The following ROBO2 variants were observed in gnomAD, a reference collection of about 807,000 sequenced individuals.
The protein encoded by ROBO2 is roundabout guidance receptor 2, also known as roundabout homolog 2.
In ROBO2, 53 loss-of-function variants were observed where a neutral mutation model predicts 160.8. The observed-to-expected ratio is 0.33, with a 90% CI of 0.26 to 0.41. The LOEUF (loss-of-function observed/expected upper bound fraction) is 0.41. Ranked by LOEUF, ROBO2 falls within the 10% of genes least tolerant of loss-of-function variation. The probability of loss-of-function intolerance (pLI) is 1.00; values close to 1 mark genes in which losing one functional copy is unlikely to be tolerated. For missense variants in ROBO2, 1,577 were observed against 1,722.4 expected, an observed-to-expected ratio of 0.92 and a Z score of 1.49; for synonymous variants, 664 against 611.7, an observed-to-expected ratio of 1.09 and a Z score of -1.26.
chr3:77,169,159 C>T (rs991454939), intron 2 of ROBO2, among the ~76,000 whole-genome samples: 2 of 152,084 alleles, frequency 1.3e-5, no homozygotes, highest in African/African-American at 4.8e-5. Context: ...AATATGTGTC[C>T]GTGTTCTTAT....
chr3:76,094,112 A>T (rs1212379476), intron 2 of ROBO2, among the ~76,000 whole-genome samples: 3 of 152,052 alleles, frequency 2.0e-5, no homozygotes, highest in Non-Finnish European at 4.4e-5. Flanking sequence ...AGTGTATAAC[A>T]ATCTCGAGTG....
At chr3:76,810,397 G>A (rs1267498214) in intron 2 of ROBO2, among the ~76,000 whole-genome samples, 1 of 151,408 alleles carries the variant, frequency 6.6e-6, no homozygotes, top group Non-Finnish European at 1.5e-5. Context: ...TTGAATTCTG[G>A]GTGAAAGAAG....
chr3:77,287,829 G>A (rs1253514535), intron 2 of ROBO2, among the ~76,000 whole-genome samples: 3 of 152,068 alleles, frequency 2.0e-5, no homozygotes, highest in Admixed American at 1.3e-4. Context: ...TAATGTAATT[G>A]ACAGTCATTG....
At chr3:76,137,649 A>G (rs67675717) in intron 2 of ROBO2, among the ~76,000 whole-genome samples, 43,352 of 151,422 alleles carry the variant, frequency 0.29, 6,644 homozygotes, top group Non-Finnish European at 0.34. Flanking sequence ...GGGTTTTAAG[A>G]TCAAAGTGTT....
chr3:76,779,147 T>C (rs574195988), intron 2 of ROBO2, among the ~76,000 whole-genome samples: 1 of 151,206 alleles, frequency 6.6e-6, no homozygotes, highest in Non-Finnish European at 1.5e-5. Flanking sequence ...CATTGGCACA[T>C]ATTATTTTCT....
intron 2 of ROBO2, among the ~76,000 whole-genome samples, chr3:76,938,971 C>CAAAAAAAAAAAAAAAAAAA (rs71629626): frequency 3.5e-4 from 40 of 114,590 alleles, no homozygotes; most frequent in African/African-American, 1.1e-3. Flanking sequence ...AACTCAGTCT[C>CAAAAAAAAAAAAAAAAAAA]AAAAAAAAAA....
chr3:76,442,644 G>A (rs1269625377), intron 2 of ROBO2, among the ~76,000 whole-genome samples: 1 of 151,928 alleles, frequency 6.6e-6, no homozygotes, highest in African/African-American at 2.4e-5. Flanking sequence ...ACAATTCCTC[G>A]GTTTCAAATT....
intron 2 of ROBO2, among the ~76,000 whole-genome samples, chr3:76,886,371 T>G (rs1322345820): frequency 6.6e-6 from 1 of 151,754 alleles, no homozygotes; most frequent in Non-Finnish European, 1.5e-5. Context: ...AAGGAATAAA[T>G]GTTTGCAGAC....
chr3:76,063,208 A>G (rs1302164246), intron 2 of ROBO2, among the ~76,000 whole-genome samples: 1 of 152,226 alleles, frequency 6.6e-6, no homozygotes, highest in African/African-American at 2.4e-5. Flanking sequence ...TGCATTGTTA[A>G]TCATGAGCAT....
chr3:77,269,270 G>GA (rs528724533), intron 2 of ROBO2, among the ~76,000 whole-genome samples: 6 of 152,068 alleles, frequency 3.9e-5, no homozygotes, highest in Non-Finnish European at 7.4e-5. Flanking sequence ...AACTGATGTA[G>GA]AAAAAATATT....
intron 2 of ROBO2, among the ~76,000 whole-genome samples, chr3:76,614,476 A>G (rs796131255): frequency 8.5e-5 from 13 of 152,200 alleles, no homozygotes; most frequent in African/African-American, 2.9e-4. Context: ...TGCACTACAT[A>G]GAAGACAAAC....
At chr3:76,934,958 A>ATTTTTTTTTTTTTTTTTTTTTT (rs151316771) in intron 2 of ROBO2, among the ~76,000 whole-genome samples, 1 of 146,728 alleles carries the variant, frequency 6.8e-6, no homozygotes, top group Non-Finnish European at 1.5e-5. Flanking sequence ...AGGCTTCACA[A>ATTTTTTTTTTTTTTTTTTTTTT]ATTTTTTTTT....
chr3:76,088,198 C>T (rs1311763451), intron 2 of ROBO2, among the ~76,000 whole-genome samples: 1 of 152,006 alleles, frequency 6.6e-6, no homozygotes, highest in Non-Finnish European at 1.5e-5. Context: ...GCGTATGCAC[C>T]TAACATCAGA....
chr3:76,676,387 C>G (rs2092409131), intron 2 of ROBO2, among the ~76,000 whole-genome samples: 1 of 151,028 alleles, frequency 6.6e-6, no homozygotes, highest in Non-Finnish European at 1.5e-5. Flanking sequence ...TCTGAGGCCT[C>G]CCTAGCCCTG....
At position 75,933,674 on chromosome 3, in the gene ROBO2, A is replaced by G. The variant is rs578261219; in HGVS notation, c.-13-3807A>G. Among the ~76,000 whole-genome samples, 3 of 152,286 alleles carry G rather than the reference A, an allele frequency of 2.0e-5. No homozygotes were observed. The East Asian group carries it at 5.8e-4, about 29-fold the overall frequency. ...AGAACCAACTTTATACATACATAAT[A>G]TACCTAGGCTTGTTGGTCAAGTTGG... On this transcript the variant is annotated intron_variant, in intron 1 of 26. Coordinates refer to the ROBO2 transcript ENST00000487694.
intron 2 of ROBO2, among the ~76,000 whole-genome samples, chr3:76,872,457 G>T (rs1042882822): frequency 6.6e-6 from 1 of 151,772 alleles, no homozygotes; most frequent in Non-Finnish European, 1.5e-5. Flanking sequence ...TCCATATTAG[G>T]CTTTGGAAGT....
At chr3:76,838,274 A>G (rs954087649) in intron 2 of ROBO2, among the ~76,000 whole-genome samples, 7 of 152,072 alleles carry the variant, frequency 4.6e-5, no homozygotes, top group Non-Finnish European at 4.4e-5. Flanking sequence ...AAAGTTAACC[A>G]TTGGGTATTG....
Position 76,963,929 on chromosome 3 carries a change from G to C in ROBO2, c.110-134085G>C, listed in dbSNP as rs571130500. Among the ~76,000 whole-genome samples the C allele has an allele frequency of 4.0e-4, 61 of 152,006 alleles. 1 individual carries two copies. In the South Asian group the frequency reaches 9.1e-3, roughly 23 times the overall value. On this transcript the variant is annotated intron_variant, in intron 2 of 26. Transcript: ENST00000487694. ...AGAAAGGAAAGCCAAAAGGGGTTTA[G>C]TTTCTGTCCCAGTTATTTTTTTCTG...
intron 2 of ROBO2, among the ~76,000 whole-genome samples, chr3:77,247,055 A>G (rs531261079): frequency 1.3e-5 from 2 of 152,360 alleles, no homozygotes; most frequent in East Asian, 3.9e-4. Context: ...GTCAACTTTT[A>G]AAATATTTCA....
Sources: allele counts gnomAD v4.1 joint callset (sites outside exome capture counted in the v4.1 genomes callset), GRCh38; gene constraint gnomAD v4.1.1; transcripts MANE v1.5; gene names NCBI Gene and HGNC (gene_info 2026-07-23, HGNC 2026-07-21).